Variants in NEIL3 observed in about 807,000 individuals in gnomAD.
NEIL3 encodes the protein endonuclease 8-like 3.
Under a neutral mutation model 57.5 loss-of-function variants are expected in NEIL3, and 48 were observed. The ratio of observed to expected loss-of-function variants is 0.83; its 90% CI spans 0.66 to 1.06. The LOEUF (loss-of-function observed/expected upper bound fraction) is 1.06, where lower values mean the gene tolerates loss of function less well. Among genes scored for constraint, NEIL3 ranks in the 50% least tolerant of loss-of-function variants. The probability of loss-of-function intolerance (pLI) is 0.00; values close to 1 mark genes in which losing one functional copy is unlikely to be tolerated. For synonymous variants in NEIL3, 261 were observed against 253.2 expected, an observed-to-expected ratio of 1.03 and a Z score of -0.29; for missense variants, 717 against 739.1, an observed-to-expected ratio of 0.97 and a Z score of 0.35.
chr4:177,370,223 G>A, the NEIL3 span, among the ~76,000 whole-genome samples: 1 of 152,166 alleles, frequency 6.6e-6, no homozygotes, highest in African/African-American at 2.4e-5. Context: ...GAGAGCCAAA[G>A]CCTCAGATTA....
rs756060582 is a variant in NEIL3, at chr4:177,322,497, G to C, written c.195G>C (p.Leu65Phe). ...ATAATGATTCCAGCCAGAATGTCTTGAGCCTGTTTAATGGATATGTTTACA... is the reference window on the plus strand; with the variant it reads ...ATAATGATTCCAGCCAGAATGTCTTCAGCCTGTTTAATGGATATGTTTACA... ...ALNNDSSQNV[L>F]SLFNGYVYSG... The change falls in exon 2 of 10, where the codon TTG (leucine) becomes TTC (phenylalanine). Residue 65 changes from leucine (L) to phenylalanine (F), a missense_variant. Transcript: ENST00000264596. 28 of 1,613,856 alleles carry C rather than the reference G, an allele frequency of 1.7e-5. No homozygotes were observed. Among genetic ancestry groups the C allele is most frequent in the Non-Finnish European group, 5.9e-6 (7 of 1,179,910 alleles).
Position 177,314,476 on chromosome 4 carries a change from A to G in NEIL3, c.156+4367A>G, listed in dbSNP as rs560291424. ...AAATTAAGCAGCATGTAAAATTCTTAGCTTAGTACCTAGCAAAATAAACAT... is the reference window on the plus strand; with the variant it reads ...AAATTAAGCAGCATGTAAAATTCTTGGCTTAGTACCTAGCAAAATAAACAT... On this transcript the variant is annotated intron_variant, in intron 1 of 9. Coordinates refer to ENST00000264596, the MANE Select transcript of NEIL3 (RefSeq NM_018248.3). Among the ~76,000 whole-genome samples the G allele has an allele frequency of 2.0e-5, 3 of 152,326 alleles. No homozygotes were observed. The South Asian group carries it at 6.2e-4, about 32-fold the overall frequency.
chr4:177,346,394 C>G (rs1477702820), intron 6 of NEIL3, among the ~76,000 whole-genome samples: 2 of 152,072 alleles, frequency 1.3e-5, no homozygotes, highest in East Asian at 3.9e-4. Context: ...GTTTTGAACT[C>G]CTGGCCTCCA....
chr4:177,320,137 C>T lies in NEIL3; in HGVS notation c.157-2322C>T, dbSNP rs553526709. On this transcript the variant is annotated intron_variant, in intron 1 of 9. Coordinates refer to ENST00000264596, the MANE Select transcript of NEIL3 (RefSeq NM_018248.3). The stretch of plus-strand genomic sequence containing the variant: ...CTAATTGGTTGTCATGGAAACCTAC[C>T]TTAAAACCCACTATTGTAATCTATA... Among the ~76,000 whole-genome samples the T allele has an allele frequency of 5.3e-5, 8 of 152,242 alleles. No individual in the cohort carries two copies. The South Asian group carries it at 1.5e-3, about 28-fold the overall frequency.
intron 1 of NEIL3, among the ~76,000 whole-genome samples, chr4:177,310,558 A>G (rs1290008695): frequency 6.6e-6 from 1 of 152,250 alleles, no homozygotes; most frequent in Non-Finnish European, 1.5e-5. Flanking sequence ...TATCACAACT[A>G]GTATATAATT....
At chr4:177,338,323 T>C (rs1478375874) in intron 4 of NEIL3, among the ~76,000 whole-genome samples, 4 of 152,182 alleles carry the variant, frequency 2.6e-5, no homozygotes, top group African/African-American at 9.7e-5. Flanking sequence ...CTTCCCTCAG[T>C]ATACACAGGG....
chr4:177,328,702 A>G (rs1248350772), intron 2 of NEIL3, among the ~76,000 whole-genome samples: 8 of 152,212 alleles, frequency 5.3e-5, no homozygotes, highest in African/African-American at 1.4e-4. Context: ...CATAAGGGAT[A>G]TAATAACAGA....
chr4:177,352,762 G>A (rs926489466), intron 7 of NEIL3, among the ~76,000 whole-genome samples: 4 of 151,846 alleles, frequency 2.6e-5, no homozygotes, highest in East Asian at 1.9e-4. Context: ...CCCGGGAGGC[G>A]GAGGTTGCAG....
At chr4:177,363,758 C>CT (rs910872332), downstream of NEIL3, among the ~76,000 whole-genome samples, 26 of 149,434 alleles carry the variant, frequency 1.7e-4, no homozygotes, top group East Asian at 5.9e-4. Context: ...TATGAGGAAA[C>CT]TTTTTTTTTT....
Position 177,360,538 on chromosome 4 carries a change from C to A in NEIL3, c.1496C>A (p.Thr499Asn), listed in dbSNP as rs1183876797. The change falls in exon 9 of 10, where the codon ACC (threonine) becomes AAC (asparagine). Residue 499 changes from threonine (T) to asparagine (N), a missense_variant. Thr to Asn is a moderately conservative substitution (Grantham distance 65, BLOSUM62 0). Coordinates refer to ENST00000264596, the MANE Select transcript of NEIL3 (RefSeq NM_018248.3). ...ATTAATATGACAGATGGCCCTCGTA[C>A]CTTAAATCCTGACAGCCCTCGCTGC... ...LQINMTDGPRTLNPDSPRCSK... is the reference protein window; with the variant it reads ...LQINMTDGPRNLNPDSPRCSK... 1 of 1,613,804 alleles carries A rather than the reference C, an allele frequency of 6.2e-7. No individual in the cohort carries two copies. The highest frequency in any genetic ancestry group is 2.2e-5 in the East Asian group (1 of 44,888).
intron 6 of NEIL3, chr4:177,343,428 A>G (rs912301177): frequency 6.6e-6 from 1 of 152,348 alleles, no homozygotes; most frequent in African/African-American, 2.4e-5. Context: ...AAAGGAAACA[A>G]AACCATAGGA....
At chr4:177,313,774 G>A (rs903536651) in intron 1 of NEIL3, among the ~76,000 whole-genome samples, 8 of 152,090 alleles carry the variant, frequency 5.3e-5, no homozygotes, top group African/African-American at 9.7e-5. Context: ...GCTATTTATC[G>A]TTATATATGC....
At chr4:177,330,776 C>T (rs1734870153) in intron 2 of NEIL3, among the ~76,000 whole-genome samples, 1 of 152,044 alleles carries the variant, frequency 6.6e-6, no homozygotes, top group Non-Finnish European at 1.5e-5. Context: ...AACATATAAA[C>T]AATATAAGCA....
chr4:177,360,590 C>A lies in NEIL3; in HGVS notation c.1548C>A (p.Leu516=), dbSNP rs955470841. 6.8e-6 allele frequency: 11 copies of A among 1,613,890 alleles called. No homozygotes were observed. Among genetic ancestry groups the A allele is most frequent in the Admixed American group, 3.3e-5 (2 of 59,994 alleles). The change falls in exon 9 of 10, where the codon CTC becomes CTA. Residue 516 remains leucine, a synonymous_variant. Coordinates refer to ENST00000264596, the MANE Select transcript of NEIL3 (RefSeq NM_018248.3). ...RCSKHNRLCI[L]RVVGKDGENK... is the part of the protein sequence containing the mutation. Reference sequence around the variant, plus strand: ...GTAAACACAACCGCCTCTGCATTCTCCGAGTTGTGGGGAAGGATGGGGAAA... The same window carrying A: ...GTAAACACAACCGCCTCTGCATTCTACGAGTTGTGGGGAAGGATGGGGAAA...
chr4:177,319,031 G>C (rs1466839647), intron 1 of NEIL3, among the ~76,000 whole-genome samples: 1 of 152,146 alleles, frequency 6.6e-6, no homozygotes, highest in Non-Finnish European at 1.5e-5. Context: ...GACAAAGCCA[G>C]GTGAATAACA....
intron 6 of NEIL3, chr4:177,343,499 T>G (rs6552228): frequency 0.46 from 69,662 of 152,168 alleles, 16,118 homozygotes; most frequent in Middle Eastern, 0.59. Flanking sequence ...AGGTGGGAAG[T>G]GCGGTCATGT....
chr4:177,344,139 G>C (rs890419492), intron 6 of NEIL3, among the ~76,000 whole-genome samples: 1 of 152,056 alleles, frequency 6.6e-6, no homozygotes, highest in Non-Finnish European at 1.5e-5. Flanking sequence ...AAAATGTTCT[G>C]GGCCTTGTAA....
In NEIL3 at chr4:177,333,899, T is replaced by C. The variant is rs934947598; in HGVS notation, c.279-1789T>C. On this transcript the variant is annotated intron_variant, in intron 2 of 9. Coordinates refer to ENST00000264596, the MANE Select transcript of NEIL3 (RefSeq NM_018248.3). ...GATCTGAGAAAACGACAGAGACCTGTTCAGGTTAAGCCTGAACAGGTTAAT... is the reference window on the plus strand; with the variant it reads ...GATCTGAGAAAACGACAGAGACCTGCTCAGGTTAAGCCTGAACAGGTTAAT... Among the ~76,000 whole-genome samples the C allele has an allele frequency of 1.4e-4, 21 of 152,110 alleles. 1 individual carries two copies. Among genetic ancestry groups the C allele is most frequent in the Non-Finnish European group, 1.5e-5 (1 of 68,010 alleles).
chr4:177,335,149 T>A (rs1734950726), intron 2 of NEIL3, among the ~76,000 whole-genome samples: 1 of 152,192 alleles, frequency 6.6e-6, no homozygotes, highest in Non-Finnish European at 1.5e-5. Flanking sequence ...CATTGCCTAG[T>A]GCAAAACAAG....
Sources: allele counts gnomAD v4.1 joint callset (sites outside exome capture counted in the v4.1 genomes callset), GRCh38; gene constraint gnomAD v4.1.1; transcripts MANE v1.5; gene names NCBI Gene and HGNC (gene_info 2026-07-23, HGNC 2026-07-21).